PREX2: variants seen among roughly 807,000 people sequenced by gnomAD.
PREX2 encodes phosphatidylinositol-3,4,5-trisphosphate dependent Rac exchange factor 2.
In PREX2, 107 loss-of-function variants were observed where a neutral mutation model predicts 203.2. The ratio of observed to expected loss-of-function variants is 0.53; its 90% CI spans 0.45 to 0.62. The LOEUF (loss-of-function observed/expected upper bound fraction) is 0.62, where lower values mean the gene tolerates loss of function less well. PREX2 is among the 20% of genes least tolerant of loss of function. PREX2 has a pLI of 0.00. For missense variants in PREX2, 1,777 were observed against 1,955.9 expected (o/e 0.91, Z 1.72); for synonymous variants, 672 against 663.6 (o/e 1.01, Z -0.19).
Position 68,117,655 on chromosome 8 carries a change from T to G in PREX2, c.3327-895T>G, listed in dbSNP as rs563940004. On this transcript the variant is annotated intron_variant, in intron 26 of 39. Transcript: ENST00000288368. The stretch of plus-strand genomic sequence containing the variant: ...AAGTTAAGGACGTCCTTTTTACTTA[T>G]TCTGAGAGGAAAGAAAATACTTTAT... Among the ~76,000 whole-genome samples, 40 of 152,336 alleles carry G rather than the reference T, an allele frequency of 2.6e-4. No homozygotes were observed. In the South Asian group the frequency reaches 8.1e-3, roughly 31 times the overall value.
intron 38 of PREX2, among the ~76,000 whole-genome samples, chr8:68,220,004 C>T (rs566054639): frequency 1.2e-4 from 18 of 151,808 alleles, no homozygotes; most frequent in African/African-American, 3.9e-4. Context: ...ATTGCATTAT[C>T]GAATTTGTAT....
intron 8 of PREX2, among the ~76,000 whole-genome samples, chr8:68,044,793 C>T (rs1425858221): frequency 6.6e-6 from 1 of 152,052 alleles, no homozygotes; most frequent in Non-Finnish European, 1.5e-5. Context: ...TATATATAGC[C>T]AAAACACACT....
rs183035528 is a variant in PREX2 at position 67,991,776 on chromosome 8, C to T, written c.142-26070C>T. On this transcript the variant is annotated intron_variant, in intron 1 of 39. Transcript: ENST00000288368. ...TTCAGGGGTAAACATTAGGGAGTGG[C>T]GATGACTGAGGAACACAGATGACCA... is the stretch of plus-strand genomic sequence containing the variant. Among the ~76,000 whole-genome samples, 137 of 152,164 alleles carry T rather than the reference C, an allele frequency of 9.0e-4. 2 individuals are homozygous for T. The South Asian group carries it at 0.013, about 15-fold the overall frequency.
intron 6 of PREX2, among the ~76,000 whole-genome samples, chr8:68,036,355 T>A (rs926061234): frequency 6.6e-6 from 1 of 152,198 alleles, no homozygotes; most frequent in African/African-American, 2.4e-5. Context: ...TTGTTAAGAA[T>A]GCATCTACTA....
rs1255453584 is a variant in PREX2 at position 68,234,178 on chromosome 8, T to G, written c.*2800T>G. On this transcript the variant is annotated 3_prime_UTR_variant, in exon 40 of 40. Transcript: ENST00000288368. ...AAGAGTAAAAAACATACCTAATGGATGAATGAATAATGACAATTTTTTCAA... is the reference window on the plus strand; with the variant it reads ...AAGAGTAAAAAACATACCTAATGGAGGAATGAATAATGACAATTTTTTCAA... The G allele has an allele frequency of 6.6e-6, 1 of 152,170 alleles. No homozygotes were observed. The highest frequency in any genetic ancestry group is 2.1e-4 in the South Asian group (1 of 4,832). 9.4% of individuals were successfully genotyped at this position (152,170 alleles called of 1,614,324 possible).
chr8:68,127,511 C>T, intron 31 of PREX2, 92 bp downstream of exon 31: 1 of 813,622 alleles, frequency 1.2e-6, no homozygotes. Flanking sequence ...CGCCTTCAAC[C>T]ATTTACAAAA....
At chr8:68,083,746 A>G (rs1809600238) in intron 18 of PREX2, among the ~76,000 whole-genome samples, 1 of 152,232 alleles carries the variant, frequency 6.6e-6, no homozygotes, top group South Asian at 2.1e-4. Context: ...TGGTGCTATC[A>G]GATGATTAGA....
At chr8:68,096,454 A>G (rs1810076478) in intron 21 of PREX2, among the ~76,000 whole-genome samples, 1 of 152,198 alleles carries the variant, frequency 6.6e-6, no homozygotes, top group African/African-American at 2.4e-5. Context: ...GTAGGCTAAA[A>G]AACTATAGGC....
At chr8:68,211,856 T>C (rs751143874) in intron 37 of PREX2, among the ~76,000 whole-genome samples, 36 of 152,256 alleles carry the variant, frequency 2.4e-4, no homozygotes, top group Non-Finnish European at 4.9e-4. Flanking sequence ...TGGGAGAGGA[T>C]GAAGAGTTTG....
chr8:68,095,521 A>ATACATATT (rs1810034272), intron 21 of PREX2, among the ~76,000 whole-genome samples: 1 of 102,014 alleles, frequency 9.8e-6, no homozygotes, highest in African/African-American at 4.2e-5. Flanking sequence ...ACATACATAC[A>ATACATATT]TACATACATA....
chr8:68,106,250 G>A (rs1810408006), intron 23 of PREX2: 1 of 482,474 alleles, frequency 2.1e-6, no homozygotes, highest in Middle Eastern at 3.4e-4. Flanking sequence ...TGCCTTGTGA[G>A]ACTTTTATCC....
chr8:68,032,868 G>A (rs1474532899), intron 6 of PREX2, among the ~76,000 whole-genome samples: 1 of 152,120 alleles, frequency 6.6e-6, no homozygotes, highest in Non-Finnish European at 1.5e-5. Flanking sequence ...TTTGACGTTA[G>A]GAGTCTTGGG....
At chr8:67,978,988 A>G (rs1407981709) in intron 1 of PREX2, among the ~76,000 whole-genome samples, 4 of 152,230 alleles carry the variant, frequency 2.6e-5, no homozygotes, top group Non-Finnish European at 2.9e-5. Context: ...TATAAAAAAT[A>G]GGAAATGTCC....
At chr8:68,031,860 A>G (rs1180603542) in intron 6 of PREX2, among the ~76,000 whole-genome samples, 1 of 152,224 alleles carries the variant, frequency 6.6e-6, no homozygotes. Context: ...AAACACTGGA[A>G]GAAAAACCGA....
chr8:68,210,807 C>T (rs1394448211), intron 37 of PREX2, among the ~76,000 whole-genome samples: 4 of 152,090 alleles, frequency 2.6e-5, no homozygotes, highest in Non-Finnish European at 5.9e-5. Flanking sequence ...CCGTAGTTTT[C>T]GGGAGACTCT....
chr8:68,019,030 G>A (rs1807487215), intron 2 of PREX2, among the ~76,000 whole-genome samples: 1 of 152,180 alleles, frequency 6.6e-6, no homozygotes, highest in Non-Finnish European at 1.5e-5. Context: ...TCCAGACAGA[G>A]GAGAAGGTTT....
intron 11 of PREX2, among the ~76,000 whole-genome samples, chr8:68,062,745 T>A (rs1585750012): frequency 1.2e-5 from 1 of 86,792 alleles, no homozygotes; most frequent in Admixed American, 1.1e-4. Context: ...AATGTCCTAT[T>A]TTTTTTTTTT....
At chr8:68,032,398 G>T (rs1195199638) in intron 6 of PREX2, among the ~76,000 whole-genome samples, 2 of 152,172 alleles carry the variant, frequency 1.3e-5, no homozygotes, top group Non-Finnish European at 2.9e-5. Context: ...CTAAGAAGAA[G>T]TGGCAACATA....
chr8:68,125,276 G>A (rs1810864397), intron 30 of PREX2, among the ~76,000 whole-genome samples: 2 of 152,196 alleles, frequency 1.3e-5, no homozygotes, highest in East Asian at 1.9e-4. Context: ...CTTAATGAAA[G>A]GTTAGATCTT....
Sources: gnomAD v4.1 joint callset for allele counts (sites outside exome capture counted in the v4.1 genomes callset) on GRCh38, gnomAD v4.1.1 for gene constraint, MANE v1.5 for transcripts, NCBI Gene and HGNC (gene_info 2026-07-23, HGNC 2026-07-21) for gene names.